UNC45A: variants seen among roughly 807,000 people sequenced by gnomAD.
The protein encoded by UNC45A is protein unc-45 homolog A.
A neutral mutation model predicts 103.2 loss-of-function variants in UNC45A; 78 were observed. The ratio of observed to expected loss-of-function variants is 0.76; its 90% CI spans 0.63 to 0.91. The LOEUF (loss-of-function observed/expected upper bound fraction) is 0.91, where lower values mean the gene tolerates loss of function less well. UNC45A is among the 40% of genes least tolerant of loss of function. The pLI, the probability that UNC45A is intolerant of heterozygous loss-of-function variation, is 0.00. For synonymous variants in UNC45A, 495 were observed against 504.6 expected (o/e 0.98, Z 0.25); for missense variants, 1,193 against 1,224.8 (o/e 0.97, Z 0.39).
chr15:90,945,105 C>T (rs760367724), intron 9 of UNC45A, 42 bp downstream of exon 9: 20 of 1,599,044 alleles, frequency 1.3e-5, no homozygotes, highest in Middle Eastern at 2.2e-4. Flanking sequence ...GGGATTCTAG[C>T]GAAAAAGTTC....
At position 90,953,673 on chromosome 15, in the gene UNC45A, C is replaced by T. The variant is rs2037061975; in HGVS notation, c.2792C>T (p.Ala931Val). 6.2e-7 allele frequency: 1 copy of T among 1,613,976 alleles called. No individual in the cohort carries two copies. Among genetic ancestry groups the T allele is most frequent in the Admixed American group, 1.7e-5 (1 of 60,010 alleles). Residue 931 changes from alanine to valine, a missense_variant, in exon 20 of 20, where the codon GCA becomes GTA. Transcript: ENST00000418476. Reference sequence around the variant, plus strand: ...GCTGCTGCAGCCTGCCTGGACAAAGCAGTGGAATATGGGCTTATCCAACCC... The same window carrying T: ...GCTGCTGCAGCCTGCCTGGACAAAGTAGTGGAATATGGGCTTATCCAACCC... ...TRAAAACLDKAVEYGLIQPNQ... is the reference protein window; with the variant it reads ...TRAAAACLDKVVEYGLIQPNQ...
Position 90,952,914 on chromosome 15 carries a change from C to T in UNC45A, c.2304-15C>T, listed in dbSNP as rs2036998837. The T allele has an allele frequency of 4.4e-6, 7 of 1,609,036 alleles. No homozygotes were observed. The African/African-American group carries it at 9.3e-5, about 21-fold the overall frequency. ...CCAAACCGTATCCCTGCTGCTTCCT[C>T]CTGTGGCCCTGCAGGCAGAAGATCC... is the stretch of plus-strand genomic sequence containing the variant. On this transcript the variant is annotated splice_polypyrimidine_tract_variant and intron_variant, in intron 17 of 19. Coordinates refer to ENST00000418476, the MANE Select transcript of UNC45A (RefSeq NM_018671.5).
At chr15:90,947,093 G>A in intron 10 of UNC45A, 179 bp downstream of exon 10, 1 of 692,258 alleles carries the variant, frequency 1.4e-6, no homozygotes. Context: ...GGAGGCTGAG[G>A]CAGGAGGATC....
At chr15:90,950,774 G>A (rs79668666) in intron 17 of UNC45A, among the ~76,000 whole-genome samples, 159 bp downstream of exon 17, 6,444 of 152,272 alleles carry the variant, frequency 0.042, 459 homozygotes, top group African/African-American at 0.15. Context: ...AGGCCAAGAG[G>A]CAGCACGGCA....
At chr15:90,948,928 G>C (rs2036734780) in intron 13 of UNC45A, 134 bp downstream of exon 13, 1 of 1,139,232 alleles carries the variant, frequency 8.8e-7, no homozygotes, top group African/African-American at 1.6e-5. Flanking sequence ...CCAGGCTGGA[G>C]TGCAGTGATG....
chr15:90,947,850 G>A lies in UNC45A; in HGVS notation c.1555G>A (p.Ala519Thr), dbSNP rs537052695. The A allele has an allele frequency of 5.3e-5, 86 of 1,614,132 alleles. 1 individual carries two copies. In the South Asian group the frequency reaches 9.0e-4, roughly 17 times the overall value. The change falls in exon 11 of 20, where the codon GCT becomes ACT. Residue 519 changes from alanine (A) to threonine (T), a missense_variant. Coordinates refer to ENST00000418476, the MANE Select transcript of UNC45A (RefSeq NM_018671.5). Reference sequence around the variant, plus strand: ...GACTGACTTCAGCATGAAGCAGTTTGCTGAAGGCTCCACTCTCAAACTGGC... The same window carrying A: ...GACTGACTTCAGCATGAAGCAGTTTACTGAAGGCTCCACTCTCAAACTGGC... Reference protein sequence around the residue: ...GGTDFSMKQFAEGSTLKLAKQ... With the variant: ...GGTDFSMKQFTEGSTLKLAKQ...
At chr15:90,934,048 T>C, upstream of UNC45A, 1 of 399,030 alleles carries the variant, frequency 2.5e-6, no homozygotes, top group Admixed American at 4.4e-5. Flanking sequence ...CTCATGGGCA[T>C]CCAGAGAAGG....
intron 17 of UNC45A, among the ~76,000 whole-genome samples, chr15:90,951,604 A>C (rs1368244822): frequency 6.6e-6 from 1 of 152,092 alleles, no homozygotes; most frequent in Non-Finnish European, 1.5e-5. Context: ...CCTATTTAAA[A>C]AAGAAATTAA....
chr15:90,950,107 T>A lies in UNC45A; in HGVS notation c.2074-47T>A, dbSNP rs1374504015. 2.0e-6 allele frequency: 3 copies of A among 1,531,234 alleles called. No individual in the cohort carries two copies. The East Asian group carries it at 7.4e-5, about 38-fold the overall frequency. 94.9% of individuals were successfully genotyped at this position (1,531,234 alleles called of 1,614,324 possible). On this transcript the variant is annotated intron_variant, in intron 15 of 19. Transcript: ENST00000418476. ...GGGCTGGGGAGCCCGATGGTCGGGG[T>A]CTTACTCCCAGGGATGTCCTGAGCA...
At chr15:90,951,030 C>G (rs909737719) in intron 17 of UNC45A, among the ~76,000 whole-genome samples, 1 of 151,970 alleles carries the variant, frequency 6.6e-6, no homozygotes, top group Non-Finnish European at 1.5e-5. Context: ...TTCTTTGAGA[C>G]GGAGTCTTGC....
rs779106476 is a variant in UNC45A at position 90,947,789 on chromosome 15, C to T, written c.1501-7C>T. 4 of 1,613,238 alleles carry T rather than the reference C, an allele frequency of 2.5e-6. No individual in the cohort carries two copies. Among genetic ancestry groups the T allele is most frequent in the Admixed American group, 1.7e-5 (1 of 60,006 alleles). ...AGAGGCCAACTGGTCTTGCCCTCTTCCTCCAGGGACTCTGTAAGCTCGGTT... is the reference window on the plus strand; with the variant it reads ...AGAGGCCAACTGGTCTTGCCCTCTTTCTCCAGGGACTCTGTAAGCTCGGTT... On this transcript the variant is annotated splice_polypyrimidine_tract_variant and splice_region_variant and intron_variant, in intron 10 of 19. Coordinates refer to ENST00000418476, the MANE Select transcript of UNC45A (RefSeq NM_018671.5).
Position 90,953,459 on chromosome 15 carries a change from A to T in UNC45A, c.2578A>T (p.Thr860Ser), listed in dbSNP as rs747531829. The change falls in exon 20 of 20, where the codon ACC (threonine) becomes TCC (serine). Residue 860 changes from threonine (T) to serine (S), a missense_variant and splice_region_variant. Coordinates refer to ENST00000418476, the MANE Select transcript of UNC45A (RefSeq NM_018671.5). ...CATATCTACCCTGTTTTTCTCACAG[A>T]CCACACACTGGCTGGAGATCCTGCA... is the stretch of plus-strand genomic sequence containing the variant. ...PTLCSRIPQV[T>S]THWLEILQAL... The T allele has an allele frequency of 2.5e-6, 4 of 1,613,206 alleles. No individual in the cohort carries two copies. In the East Asian group the frequency reaches 8.9e-5, roughly 36 times the overall value.
At chr15:90,934,820 G>T (rs871078), upstream of UNC45A, 163,081 of 410,014 alleles carry the variant, frequency 0.4, 33,801 homozygotes, top group East Asian at 0.55. Context: ...TATGTAAGAC[G>T]ACACTTATTT....
chr15:90,953,454 C>G lies in UNC45A; in HGVS notation c.2578-5C>G. On this transcript the variant is annotated splice_polypyrimidine_tract_variant and splice_region_variant and intron_variant, in intron 19 of 19. Coordinates refer to ENST00000418476, the MANE Select transcript of UNC45A (RefSeq NM_018671.5). The stretch of plus-strand genomic sequence containing the variant: ...GGGGTCATATCTACCCTGTTTTTCT[C>G]ACAGACCACACACTGGCTGGAGATC... 3 of 1,613,194 alleles carry G rather than the reference C, an allele frequency of 1.9e-6. No individual in the cohort carries two copies. The South Asian group carries it at 3.3e-5, about 18-fold the overall frequency.
In UNC45A at chr15:90,935,844, G is replaced by C. The variant is rs993718964; in HGVS notation, c.214-102G>C. ...GATGTTTTTTGCACCTCAGGGTGGT[G>C]GGGGATCGGGTGACCTTGGAGAGCG... On this transcript the variant is annotated intron_variant, in intron 2 of 19. Coordinates refer to ENST00000418476, the MANE Select transcript of UNC45A (RefSeq NM_018671.5). 3.8e-6 allele frequency: 6 copies of C among 1,582,858 alleles called. No homozygotes were observed. In the African/African-American group the frequency reaches 8.1e-5, roughly 21 times the overall value.
chr15:90,932,151 G>T (rs780462581), upstream of UNC45A: 2 of 1,554,962 alleles, frequency 1.3e-6, no homozygotes, highest in Admixed American at 3.7e-5. Context: ...GTCGGAGGTA[G>T]TCCCAAGGCG....
chr15:90,945,976 G>T (rs1243537324), intron 9 of UNC45A, among the ~76,000 whole-genome samples: 2 of 151,712 alleles, frequency 1.3e-5, no homozygotes, highest in African/African-American at 4.8e-5. Context: ...TAGGCCAGGT[G>T]TGGTGGCTTA....
chr15:90,939,864 G>C (rs772107337), intron 5 of UNC45A, 41 bp downstream of exon 5: 5 of 1,532,488 alleles, frequency 3.3e-6, no homozygotes, highest in South Asian at 1.2e-5. Flanking sequence ...GCTCCCACTA[G>C]AGCCACCCAT....
At chr15:90,942,007 T>C (rs1190137998) in intron 6 of UNC45A, among the ~76,000 whole-genome samples, 1 of 150,934 alleles carries the variant, frequency 6.6e-6, no homozygotes, top group Admixed American at 6.6e-5. Context: ...TGGAGAGGTC[T>C]CACGGGCCCA....
Sources: allele counts gnomAD v4.1 joint callset (sites outside exome capture counted in the v4.1 genomes callset), GRCh38; gene constraint gnomAD v4.1.1; transcripts MANE v1.5; gene names NCBI Gene and HGNC (gene_info 2026-07-23, HGNC 2026-07-21).